The following SLC24A3 variants were observed in gnomAD, a reference collection of about 807,000 sequenced individuals.
SLC24A3 encodes the protein sodium/potassium/calcium exchanger 3.
SLC24A3 carries 28 observed loss-of-function variants against 75.8 expected under a neutral mutation model. That is an observed-to-expected ratio of 0.37 (90% CI 0.27 to 0.51). The LOEUF is 0.51. Among genes scored for constraint, SLC24A3 ranks in the 20% least tolerant of loss-of-function variants. The probability of loss-of-function intolerance (pLI) is 0.94; values close to 1 mark genes in which losing one functional copy is unlikely to be tolerated. For missense variants in SLC24A3, 663 were observed against 847.8 expected (o/e 0.78, Z 2.71); for synonymous variants, 372 against 334.1 (o/e 1.11, Z -1.24).
intron 2 of SLC24A3, chr20:19,284,290 T>C (rs1393064849): frequency 6.6e-6 from 1 of 152,630 alleles, no homozygotes; most frequent in Non-Finnish European, 1.5e-5. Flanking sequence ...TGTTGTTGGG[T>C]GAAATGGTTG....
chr20:19,296,636 C>A (rs1187222511), intron 2 of SLC24A3, among the ~76,000 whole-genome samples: 1 of 152,138 alleles, frequency 6.6e-6, no homozygotes, highest in Non-Finnish European at 1.5e-5. Flanking sequence ...CTTAGACTGC[C>A]ACACAATAAT....
At chr20:19,458,664 G>A (rs189712740) in intron 2 of SLC24A3, among the ~76,000 whole-genome samples, 20 of 152,182 alleles carry the variant, frequency 1.3e-4, no homozygotes, top group African/African-American at 2.6e-4. Flanking sequence ...AGTTTTATCC[G>A]TATTGTAGCA....
At chr20:19,394,558 T>C (rs897799927) in intron 2 of SLC24A3, among the ~76,000 whole-genome samples, 1 of 152,124 alleles carries the variant, frequency 6.6e-6, no homozygotes, top group African/African-American at 2.4e-5. Context: ...AGGACTTGAA[T>C]AGACATTCCT....
intron 2 of SLC24A3, among the ~76,000 whole-genome samples, chr20:19,340,706 T>G (rs1356926772): frequency 1.3e-5 from 2 of 152,194 alleles, no homozygotes; most frequent in Non-Finnish European, 2.9e-5. Context: ...TAGATTCCTG[T>G]GTTTCAAATA....
At chr20:19,716,775 G>A (rs1159005496) in intron 15 of SLC24A3, among the ~76,000 whole-genome samples, 1 of 152,124 alleles carries the variant, frequency 6.6e-6, no homozygotes, top group Admixed American at 6.5e-5. Context: ...TCAGGAGGCT[G>A]AGGTGGGAGG....
At chr20:19,226,626 A>G (rs1981878244) in intron 1 of SLC24A3, among the ~76,000 whole-genome samples, 1 of 152,214 alleles carries the variant, frequency 6.6e-6, no homozygotes. Context: ...TTGGGCATTT[A>G]GTGTGGCCGA....
intron 2 of SLC24A3, among the ~76,000 whole-genome samples, chr20:19,492,070 G>T (rs1988217254): frequency 6.6e-6 from 1 of 152,184 alleles, no homozygotes; most frequent in South Asian, 2.1e-4. Flanking sequence ...AAAACCAGTG[G>T]TGTGGGCAGA....
chr20:19,439,958 A>G (rs1987271227), intron 2 of SLC24A3, among the ~76,000 whole-genome samples: 1 of 152,134 alleles, frequency 6.6e-6, no homozygotes, highest in African/African-American at 2.4e-5. Context: ...TGGGTTTCTG[A>G]CGGGATGTTG....
chr20:19,375,871 A>C (rs973862894), intron 2 of SLC24A3, among the ~76,000 whole-genome samples: 4 of 152,222 alleles, frequency 2.6e-5, no homozygotes, highest in Non-Finnish European at 4.4e-5. Context: ...TCTCTCCTGC[A>C]CTTGGTAAAG....
chr20:19,270,810 AAGAGAG>A (rs962876068), intron 1 of SLC24A3, among the ~76,000 whole-genome samples: 1 of 151,268 alleles, frequency 6.6e-6, no homozygotes, highest in Non-Finnish European at 1.5e-5. Context: ...GGGTGGAAGA[AAGAGAG>A]AGAGAGAGAT....
At chr20:19,320,200 G>A (rs1044654335) in intron 2 of SLC24A3, among the ~76,000 whole-genome samples, 7 of 152,200 alleles carry the variant, frequency 4.6e-5, no homozygotes, top group African/African-American at 1.7e-4. Flanking sequence ...TCTGTCGGGC[G>A]CCGACGGTCC....
At chr20:19,670,965 G>T (rs906695267) in intron 8 of SLC24A3, among the ~76,000 whole-genome samples, 1 of 152,204 alleles carries the variant, frequency 6.6e-6, no homozygotes, top group African/African-American at 2.4e-5. Context: ...AAGGTGTCAG[G>T]TGTGAGGAGT....
chr20:19,538,588 C>T (rs564520842), intron 3 of SLC24A3, among the ~76,000 whole-genome samples: 9 of 152,276 alleles, frequency 5.9e-5, no homozygotes, highest in African/African-American at 1.9e-4. Context: ...TATACACCCA[C>T]CAACATGGCT....
intron 1 of SLC24A3, among the ~76,000 whole-genome samples, chr20:19,276,057 C>T (rs907498851): frequency 6.6e-6 from 1 of 152,180 alleles, no homozygotes; most frequent in African/African-American, 2.4e-5. Flanking sequence ...TTTGCTGTAG[C>T]AGAGAAATCC....
intron 2 of SLC24A3, among the ~76,000 whole-genome samples, chr20:19,460,329 C>A (rs971035225): frequency 6.6e-6 from 1 of 152,110 alleles, no homozygotes; most frequent in Non-Finnish European, 1.5e-5. Context: ...GCAGTAGATA[C>A]CTCTGCCTGT....
intron 6 of SLC24A3, among the ~76,000 whole-genome samples, chr20:19,616,254 A>G (rs2031734533): frequency 6.6e-6 from 1 of 152,204 alleles, no homozygotes; most frequent in Non-Finnish European, 1.5e-5. Flanking sequence ...TGGGCGAGGT[A>G]GCTCTCTGCA....
At chr20:19,305,209 C>T (rs1486708753) in intron 2 of SLC24A3, among the ~76,000 whole-genome samples, 1 of 152,078 alleles carries the variant, frequency 6.6e-6, no homozygotes, top group Admixed American at 6.6e-5. Context: ...CTCAGCCTCC[C>T]CAGGAGTCCC....
intron 6 of SLC24A3, among the ~76,000 whole-genome samples, chr20:19,638,955 G>A (rs1030800296): frequency 2.6e-5 from 4 of 152,148 alleles, no homozygotes; most frequent in Non-Finnish European, 5.9e-5. Flanking sequence ...GCAGTAGCAA[G>A]ACTCATTGCA....
intron 2 of SLC24A3, among the ~76,000 whole-genome samples, chr20:19,356,766 C>T (rs756071754): frequency 7.9e-5 from 12 of 151,962 alleles, no homozygotes; most frequent in South Asian, 2.1e-4. Context: ...ATGTTTCTTC[C>T]GATAGATTTA....
Sources: allele counts gnomAD v4.1 joint callset (sites outside exome capture counted in the v4.1 genomes callset), GRCh38; gene constraint gnomAD v4.1.1; transcripts MANE v1.5; gene names NCBI Gene and HGNC (gene_info 2026-07-23, HGNC 2026-07-21).